Variants in BET1 observed in about 807,000 individuals in gnomAD.
BET1 encodes the protein Bet1 golgi vesicular membrane trafficking protein.
A neutral mutation model predicts 13.9 loss-of-function variants in BET1; 9 were observed. The ratio of observed to expected loss-of-function variants is 0.65; its 90% CI spans 0.39 to 1.13. The LOEUF (loss-of-function observed/expected upper bound fraction) is 1.13. Among genes scored for constraint, BET1 ranks in the 50% most tolerant of loss-of-function variants. BET1 has a pLI of 0.01. For synonymous variants in BET1, 39 were observed against 47.3 expected (o/e 0.82, Z 0.72); for missense variants, 127 against 133.6 (o/e 0.95, Z 0.24).
rs143298414 is a variant in BET1 at position 93,983,032 on chromosome 7, A to G, written c.236-6932T>C. Among the ~76,000 whole-genome samples, 35 of 152,286 alleles carry G rather than the reference A, an allele frequency of 2.3e-4. No individual in the cohort carries two copies. In the East Asian group the frequency reaches 5.8e-3, roughly 25 times the overall value. The stretch of plus-strand genomic sequence containing the variant: ...TCAGACAATTCCCTCTTCTAGATCC[A>G]AAGTTGATCCTGATGCCAAAAAATC... On this transcript the variant is annotated intron_variant and NMD_transcript_variant, in intron 4 of 6. Coordinates refer to the BET1 transcript ENST00000357520.
At position 93,993,905 on chromosome 7, in the gene BET1, A is replaced by G. The variant is rs1584141942; in HGVS notation, c.*325T>C. ...CCCACTAAGTTTCCTTACATGGGACATAAACCTGCATTTATGATTACAACA... is the reference window on the plus strand; with the variant it reads ...CCCACTAAGTTTCCTTACATGGGACGTAAACCTGCATTTATGATTACAACA... On this transcript the variant is annotated 3_prime_UTR_variant, in exon 4 of 4. Transcript: ENST00000222547. The G allele has an allele frequency of 2.6e-6, 4 of 1,535,940 alleles. No individual in the cohort carries two copies. In the East Asian group the frequency reaches 7.3e-5, roughly 28 times the overall value.
intron 4 of BET1, among the ~76,000 whole-genome samples, chr7:93,977,083 A>G (rs1226451460): frequency 6.6e-6 from 1 of 152,080 alleles, no homozygotes; most frequent in Non-Finnish European, 1.5e-5. Context: ...TGGATACTCC[A>G]ACCTGAGCTC....
At chr7:93,986,256 CA>C (rs1795526290) in intron 4 of BET1, among the ~76,000 whole-genome samples, 1 of 152,066 alleles carries the variant, frequency 6.6e-6, no homozygotes, top group African/African-American at 2.4e-5. Flanking sequence ...ATTTGCAATT[CA>C]AAATTCTATA....
intron 6 of BET1, among the ~76,000 whole-genome samples, chr7:93,966,018 CA>C (rs1020991926): frequency 4.6e-5 from 7 of 151,870 alleles, no homozygotes; most frequent in Non-Finnish European, 8.8e-5. Context: ...TTATGATTAG[CA>C]AAAATGAAGG....
At chr7:93,976,147 CA>C (rs759869961) in intron 4 of BET1, 2 of 1,115,872 alleles carry the variant, frequency 1.8e-6, no homozygotes, top group South Asian at 3.7e-5. Flanking sequence ...TTTGAAAAAA[CA>C]AAACAAAACA....
At chr7:93,971,268 C>A (rs1795254814) in intron 6 of BET1, among the ~76,000 whole-genome samples, 1 of 151,760 alleles carries the variant, frequency 6.6e-6, no homozygotes, top group Admixed American at 6.6e-5. Context: ...ATATATCTTG[C>A]TAAAAGCAAT....
intron 6 of BET1, among the ~76,000 whole-genome samples, chr7:93,972,152 A>T (rs1795267210): frequency 6.6e-6 from 1 of 151,816 alleles, no homozygotes; most frequent in African/African-American, 2.4e-5. Flanking sequence ...TTGTATACGA[A>T]GTGTTAGCTC....
chr7:93,997,346 C>T (rs998733457), intron 2 of BET1, among the ~76,000 whole-genome samples: 11 of 152,108 alleles, frequency 7.2e-5, no homozygotes, highest in Admixed American at 5.9e-4. Flanking sequence ...AACTATAAAG[C>T]TAGACTGCCC....
At chr7:93,995,786 A>C (rs1197910645) in intron 3 of BET1, among the ~76,000 whole-genome samples, 1 of 152,200 alleles carries the variant, frequency 6.6e-6, no homozygotes, top group Non-Finnish European at 1.5e-5. Context: ...TAACAAGAAA[A>C]GGTATATGTT....
At position 93,996,265 on chromosome 7, in the gene BET1, CA is replaced by C. The variant is rs750379289; in HGVS notation, c.200del (p.Met67ArgfsTer12). The C allele has an allele frequency of 6.4e-7, 1 of 1,563,908 alleles. No homozygotes were observed. Among genetic ancestry groups the C allele is most frequent in the South Asian group, 1.2e-5 (1 of 84,874 alleles). ...TAAAGTTAAAATCATAACCACTTAC[CA>C]TTTCAGCTAATAATTTATTCTGGGT... ...VKTQNKLLAE[M>X]DSQFDSTTGF... On this transcript the variant is annotated frameshift_variant and splice_region_variant, in exon 3 of 4. Transcript: ENST00000222547. LOFTEE classifies it high-confidence loss of function.
chr7:93,979,615 T>A (rs1286194228), intron 4 of BET1, among the ~76,000 whole-genome samples: 1 of 151,938 alleles, frequency 6.6e-6, no homozygotes, highest in Non-Finnish European at 1.5e-5. Context: ...CCAGCAAGCA[T>A]GAGACCGGCA....
chr7:93,991,770 T>C (rs1336304756), downstream of BET1: 15 of 955,176 alleles, frequency 1.6e-5, no homozygotes, highest in Non-Finnish European at 1.7e-5. Context: ...AATGCTACTC[T>C]GCTTCCCAAT....
chr7:94,000,167 C>G (rs1190139739), intron 1 of BET1: 1 of 151,150 alleles, frequency 6.6e-6, no homozygotes, highest in Non-Finnish European at 1.5e-5. Flanking sequence ...TGCAGTGGCG[C>G]GATCTCGGCT....
chr7:93,989,008 C>A, downstream of BET1, among the ~76,000 whole-genome samples: 1 of 147,060 alleles, frequency 6.8e-6, no homozygotes, highest in Middle Eastern at 3.4e-3. Flanking sequence ...TATATATATA[C>A]TGTTGTTGTT....
At chr7:93,963,392 G>A (rs1469145468) in exon 7 of BET1, 1 of 151,932 alleles carries the variant, frequency 6.6e-6, no homozygotes, top group Admixed American at 6.6e-5. Context: ...AATTTAAAGA[G>A]CAAGTCAGTA....
chr7:93,966,080 G>A (rs1438431716), intron 6 of BET1, among the ~76,000 whole-genome samples: 1 of 151,870 alleles, frequency 6.6e-6, no homozygotes, highest in Non-Finnish European at 1.5e-5. Flanking sequence ...GAATATTAAT[G>A]GTGGTCACTG....
chr7:93,993,428 G>C lies in BET1; in HGVS notation c.*802C>G. ...TAATACTCTTATCTTCAAGTTCAAT[G>C]CCTGAGTTTCTTGCATACTATTTCC... On this transcript the variant is annotated 3_prime_UTR_variant, in exon 4 of 4. Coordinates refer to ENST00000222547, the MANE Select transcript of BET1 (RefSeq NM_005868.6). 1.0e-6 allele frequency: 1 copy of C among 983,774 alleles called. No homozygotes were observed. Among genetic ancestry groups the C allele is most frequent in the Non-Finnish European group, 1.2e-6 (1 of 827,998 alleles). 60.9% of individuals were successfully genotyped at this position (983,774 alleles called of 1,614,324 possible).
intron 6 of BET1, among the ~76,000 whole-genome samples, chr7:93,966,673 T>C (rs1156603015): frequency 6.6e-6 from 1 of 151,662 alleles, no homozygotes; most frequent in East Asian, 1.9e-4. Context: ...TTTGGGAATG[T>C]CATAATTAGT....
chr7:93,991,863 A>C (rs1795643979), downstream of BET1: 1 of 973,222 alleles, frequency 1.0e-6, no homozygotes, highest in African/African-American at 1.8e-5. Flanking sequence ...CAAATTATCA[A>C]ACACTTTTTC....
Sources: allele counts gnomAD v4.1 joint callset (sites outside exome capture counted in the v4.1 genomes callset), GRCh38; gene constraint gnomAD v4.1.1; transcripts MANE v1.5; gene names NCBI Gene and HGNC (gene_info 2026-07-23, HGNC 2026-07-21).